PTPRG: variants seen among roughly 807,000 people sequenced by gnomAD.
PTPRG encodes the protein protein tyrosine phosphatase receptor type G.
Under a neutral mutation model 165.3 loss-of-function variants are expected in PTPRG, and 102 were observed. The ratio of observed to expected loss-of-function variants is 0.62; its 90% CI spans 0.53 to 0.73. The LOEUF is 0.73. Ranked by LOEUF, PTPRG falls within the 30% of genes least tolerant of loss-of-function variation. The probability of loss-of-function intolerance (pLI) is 0.00; values close to 1 mark genes in which losing one functional copy is unlikely to be tolerated. For missense variants in PTPRG, 1,866 were observed against 1,861.4 expected (o/e 1.00, Z -0.05); for synonymous variants, 675 against 669.5 (o/e 1.01, Z -0.13).
chr3:61,846,464 ACT>A (rs1385196907), intron 2 of PTPRG, among the ~76,000 whole-genome samples: 2 of 151,970 alleles, frequency 1.3e-5, no homozygotes, highest in Non-Finnish European at 2.9e-5. Context: ...TCCCTTCCTG[ACT>A]CTGAGGCTCA....
At chr3:61,811,253 A>G (rs111766479) in intron 2 of PTPRG, among the ~76,000 whole-genome samples, 3 of 152,274 alleles carry the variant, frequency 2.0e-5, no homozygotes, top group African/African-American at 7.2e-5. Context: ...CTGTTCTGCT[A>G]GGTACCATGA....
In PTPRG at chr3:62,295,250, G is replaced by C. The variant is rs1182553149; in HGVS notation, c.*1943G>C. On this transcript the variant is annotated 3_prime_UTR_variant, in exon 30 of 30. Coordinates refer to ENST00000474889, the MANE Select transcript of PTPRG (RefSeq NM_002841.4). Reference sequence around the variant, plus strand: ...GCTCTGTAAAGTTCAAGTAAAGCTTGAACACAGGAACACTACAACTGCCAG... The same window carrying C: ...GCTCTGTAAAGTTCAAGTAAAGCTTCAACACAGGAACACTACAACTGCCAG... 6.6e-6 allele frequency: 1 copy of C among 152,088 alleles called. No individual in the cohort carries two copies. 9.4% of individuals were successfully genotyped at this position (152,088 alleles called of 1,614,324 possible).
At position 61,983,502 on chromosome 3, in the gene PTPRG, T is replaced by G. The variant is rs147251852; in HGVS notation, c.191-6123T>G. 1.2e-3 allele frequency among the ~76,000 whole-genome samples: 182 copies of G among 152,282 alleles called. 3 individuals are homozygous for G. The East Asian group carries it at 0.029, about 25-fold the overall frequency. On this transcript the variant is annotated intron_variant, in intron 2 of 29. Transcript: ENST00000474889. Reference sequence around the variant, plus strand: ...CATAACATGTATATTAGTTTTGTTTTTAATTAGATTTAGACAGAATTCATT... The same window carrying G: ...CATAACATGTATATTAGTTTTGTTTGTAATTAGATTTAGACAGAATTCATT...
chr3:61,886,780 ATCT>A (rs2038049364), intron 2 of PTPRG, among the ~76,000 whole-genome samples: 3 of 152,228 alleles, frequency 2.0e-5, no homozygotes, highest in East Asian at 3.9e-4. Flanking sequence ...TTTATAGATA[ATCT>A]TCTTCCAAAT....
At chr3:61,819,398 T>A (rs1050855632) in intron 2 of PTPRG, among the ~76,000 whole-genome samples, 28 of 152,294 alleles carry the variant, frequency 1.8e-4, no homozygotes, top group Admixed American at 6.5e-4. Context: ...CTACTAAGGA[T>A]ACCATGTAGT....
chr3:62,087,347 T>C (rs1480262114), intron 5 of PTPRG, among the ~76,000 whole-genome samples: 1 of 152,194 alleles, frequency 6.6e-6, no homozygotes, highest in Non-Finnish European at 1.5e-5. Flanking sequence ...CTGATTAGAT[T>C]TATCGGGAGA....
chr3:61,936,655 T>G (rs2039492494), intron 2 of PTPRG, among the ~76,000 whole-genome samples: 1 of 152,188 alleles, frequency 6.6e-6, no homozygotes, highest in South Asian at 2.1e-4. Flanking sequence ...AATTTTTTCC[T>G]TAACATGTCT....
chr3:62,279,164 T>C (rs186776710), intron 26 of PTPRG, among the ~76,000 whole-genome samples: 1 of 152,204 alleles, frequency 6.6e-6, no homozygotes, highest in East Asian at 1.9e-4. Context: ...GTTGTATTAT[T>C]ACTGCTATAC....
Position 62,233,527 on chromosome 3 carries a change from T to A in PTPRG, c.2375+2216T>A, listed in dbSNP as rs1700953547. On this transcript the variant is annotated intron_variant, in intron 14 of 29. Coordinates refer to ENST00000474889, the MANE Select transcript of PTPRG (RefSeq NM_002841.4). The surrounding 1 kb of genome is among the most constrained non-coding windows in gnomAD (Gnocchi z 4.7). ...CCAGGCTCTCTCTCACCTTTGCCTT[T>A]TTCATTCCGCTCTCATTTTCTTTCC... Among the ~76,000 whole-genome samples, 1 of 152,190 alleles carries A rather than the reference T, an allele frequency of 6.6e-6. No homozygotes were observed. The highest frequency in any genetic ancestry group is 1.9e-4 in the East Asian group (1 of 5,196).
rs148095034 is a variant in PTPRG, at chr3:61,655,071, G to A, written c.85+92699G>A. On this transcript the variant is annotated intron_variant, in intron 1 of 29. Transcript: ENST00000474889. ...CAAAGTGCTGGGATTACAGGCGTGAGCCACCGCACCCGGCCACCTGCGCTT... is the reference window on the plus strand; with the variant it reads ...CAAAGTGCTGGGATTACAGGCGTGAACCACCGCACCCGGCCACCTGCGCTT... 9.1e-3 allele frequency among the ~76,000 whole-genome samples: 1,382 copies of A among 152,210 alleles called. 27 individuals are homozygous for A. The highest frequency in any genetic ancestry group is 0.029 in the African/African-American group (1,199 of 41,520).
At chr3:61,909,420 G>T (rs1465918831) in intron 2 of PTPRG, among the ~76,000 whole-genome samples, 3 of 152,080 alleles carry the variant, frequency 2.0e-5, no homozygotes, top group Non-Finnish European at 4.4e-5. Flanking sequence ...TGTGATCATG[G>T]CTCACTGCAG....
intron 1 of PTPRG, among the ~76,000 whole-genome samples, chr3:61,602,287 G>C (rs1329731831): frequency 6.6e-6 from 1 of 151,938 alleles, no homozygotes; most frequent in Non-Finnish European, 1.5e-5. Flanking sequence ...TACATGTGTT[G>C]ATTAAACAAG....
chr3:62,262,534 G>C (rs1701731498), intron 16 of PTPRG: 1 of 327,934 alleles, frequency 3.0e-6, no homozygotes, highest in Non-Finnish European at 5.5e-6. Flanking sequence ...TTCAAAAAGA[G>C]ATATTGTTTT....
At chr3:62,287,810 C>G (rs1454000988) in intron 28 of PTPRG, among the ~76,000 whole-genome samples, 1 of 152,098 alleles carries the variant, frequency 6.6e-6, no homozygotes, top group Non-Finnish European at 1.5e-5. Context: ...AGAGACTGCA[C>G]AGAGAGACCT....
chr3:62,227,779 C>G (rs1422080813), intron 13 of PTPRG, among the ~76,000 whole-genome samples: 1 of 152,138 alleles, frequency 6.6e-6, no homozygotes, highest in Non-Finnish European at 1.5e-5. Flanking sequence ...AGCAGGTAAA[C>G]CAAGGTAATC....
intron 4 of PTPRG, among the ~76,000 whole-genome samples, chr3:62,021,857 C>CTTTTTTTTTT (rs398062374): frequency 2.1e-5 from 2 of 97,092 alleles, no homozygotes; most frequent in African/African-American, 3.9e-5. Flanking sequence ...TTTTCCTTTT[C>CTTTTTTTTTT]TTTTTTTTTT....
chr3:62,136,757 C>T (rs1021364579), intron 6 of PTPRG, among the ~76,000 whole-genome samples: 6 of 152,256 alleles, frequency 3.9e-5, no homozygotes, highest in Middle Eastern at 3.4e-3. Flanking sequence ...TCTTGTCTGC[C>T]GCCATGTGAG....
intron 1 of PTPRG, among the ~76,000 whole-genome samples, chr3:61,652,756 G>T (rs1441013741): frequency 3.9e-5 from 6 of 152,200 alleles, no homozygotes; most frequent in Non-Finnish European, 7.3e-5. Context: ...ATGTGTAGTA[G>T]TATTCCTGGC....
chr3:62,082,605 C>T (rs1245017712), intron 5 of PTPRG, among the ~76,000 whole-genome samples: 1 of 152,198 alleles, frequency 6.6e-6, no homozygotes, highest in Non-Finnish European at 1.5e-5. Context: ...CAGTCTTATT[C>T]ATGTGTTCAC....
Sources: gnomAD v4.1 joint callset for allele counts (sites outside exome capture counted in the v4.1 genomes callset) on GRCh38, gnomAD v4.1.1 for gene constraint, Gnocchi (gnomAD v3.1) non-coding constraint, MANE v1.5 for transcripts, NCBI Gene and HGNC (gene_info 2026-07-23, HGNC 2026-07-21) for gene names.